Variants in CNTNAP2 observed in about 807,000 individuals in gnomAD.
CNTNAP2 encodes the protein contactin-associated protein-like 2.
Under a neutral mutation model 155.2 loss-of-function variants are expected in CNTNAP2, and 98 were observed. That is an observed-to-expected ratio of 0.63 (90% confidence interval 0.54 to 0.75). The LOEUF (loss-of-function observed/expected upper bound fraction) is 0.75, where lower values mean the gene tolerates loss of function less well. Among genes scored for constraint, CNTNAP2 ranks in the 30% least tolerant of loss-of-function variants. The pLI is 0.00. For missense variants in CNTNAP2, 1,727 were observed against 1,688.1 expected, an observed-to-expected ratio of 1.02 and a Z score of -0.40; for synonymous variants, 651 against 631.2, an observed-to-expected ratio of 1.03 and a Z score of -0.47.
intron 1 of CNTNAP2, among the ~76,000 whole-genome samples, chr7:146,119,218 A>G (rs886076556): frequency 2.6e-5 from 4 of 151,906 alleles, no homozygotes; most frequent in African/African-American, 7.2e-5. Context: ...TAAAACTATC[A>G]TTTTTCTTTG....
chr7:147,108,375 T>G (rs1390958049), intron 5 of CNTNAP2, 25 bp downstream of exon 5: 2 of 1,591,362 alleles, frequency 1.3e-6, no homozygotes, highest in African/African-American at 2.7e-5. Flanking sequence ...TCAGTTCTAT[T>G]CTTTCCGTTA....
intron 11 of CNTNAP2, among the ~76,000 whole-genome samples, chr7:147,499,637 CCAAATTTT>C (rs1389788631): frequency 2.6e-5 from 4 of 152,132 alleles, no homozygotes. Context: ...CCCCAATTTC[CCAAATTTT>C]ACCCTAGTTC....
At chr7:147,510,618 C>A (rs971591075) in intron 11 of CNTNAP2, among the ~76,000 whole-genome samples, 15 of 149,944 alleles carry the variant, frequency 1.0e-4, no homozygotes, top group African/African-American at 3.4e-4. Flanking sequence ...CAATGCCATA[C>A]AAAATAGATT....
intron 3 of CNTNAP2, among the ~76,000 whole-genome samples, chr7:146,933,287 A>G (rs1040750917): frequency 1.8e-4 from 28 of 152,126 alleles, no homozygotes; most frequent in Non-Finnish European, 7.3e-5. Flanking sequence ...AATGTCGCAT[A>G]TCTACAACTA....
chr7:147,143,877 G>A (rs1369835668), intron 8 of CNTNAP2, among the ~76,000 whole-genome samples: 1 of 152,138 alleles, frequency 6.6e-6, no homozygotes, highest in African/African-American at 2.4e-5. Flanking sequence ...TCAGGAGCAT[G>A]ACGTGAAGTA....
intron 3 of CNTNAP2, among the ~76,000 whole-genome samples, chr7:146,930,969 T>A (rs1796740571): frequency 6.6e-6 from 1 of 151,946 alleles, no homozygotes; most frequent in Admixed American, 6.6e-5. Context: ...AGACATAGAC[T>A]CCCACACAAT....
chr7:148,026,698 T>C (rs6965599), intron 15 of CNTNAP2, among the ~76,000 whole-genome samples: 49,417 of 151,996 alleles, frequency 0.33, 9,626 homozygotes, highest in East Asian at 0.77. Context: ...GCCCACCTCA[T>C]ACAGCTTGAA....
At chr7:146,357,001 C>A (rs556364545) in intron 1 of CNTNAP2, among the ~76,000 whole-genome samples, 72 of 152,224 alleles carry the variant, frequency 4.7e-4, no homozygotes, top group African/African-American at 1.7e-3. Flanking sequence ...TCTGCAAAAA[C>A]GACAGCATCC....
chr7:146,799,411 C>T (rs1802834140), intron 2 of CNTNAP2, among the ~76,000 whole-genome samples: 1 of 152,136 alleles, frequency 6.6e-6, no homozygotes, highest in Non-Finnish European at 1.5e-5. Context: ...ACATCATGTC[C>T]AGCATAGAAT....
intron 18 of CNTNAP2, among the ~76,000 whole-genome samples, chr7:148,213,355 G>A (rs1407743768): frequency 6.6e-6 from 1 of 152,128 alleles, no homozygotes; most frequent in Non-Finnish European, 1.5e-5. Context: ...TGGAGTAACT[G>A]GAGAGAGGCT....
In CNTNAP2 at chr7:148,380,632, T is replaced by G. The variant is rs1799034778; in HGVS notation, c.3476-3017T>G. 4.2e-5 allele frequency among the ~76,000 whole-genome samples: 3 copies of G among 70,928 alleles called. No homozygotes were observed. In the Admixed American group the frequency reaches 5.7e-4, roughly 13 times the overall value. The allele number at this position is 70,928 out of a possible 152,430, so 46.5% of individuals were successfully genotyped here. A position where few individuals can be genotyped will look rare whatever the true frequency, so the allele number is the denominator to read the frequency against. On this transcript the variant is annotated intron_variant, in intron 21 of 23. Transcript: ENST00000361727. The stretch of plus-strand genomic sequence containing the variant: ...TTGAGACTGATGCAAAATATTTGAC[T>G]TCTTTTTTTTTTATATGAAACATAA...
chr7:146,629,309 T>A (rs1799471600), intron 1 of CNTNAP2, among the ~76,000 whole-genome samples: 1 of 152,176 alleles, frequency 6.6e-6, no homozygotes, highest in African/African-American at 2.4e-5. Flanking sequence ...AAATGTAATG[T>A]CTTTGTCATA....
intron 1 of CNTNAP2, among the ~76,000 whole-genome samples, chr7:146,252,349 G>A (rs1448123706): frequency 6.6e-6 from 1 of 152,248 alleles, no homozygotes; most frequent in African/African-American, 2.4e-5. Flanking sequence ...TATTACATAT[G>A]CCACCAAATG....
rs1179117335 is a variant in CNTNAP2, at chr7:146,307,287, T to C, written c.97+190314T>C. On this transcript the variant is annotated intron_variant, in intron 1 of 23. Transcript: ENST00000361727. The stretch of plus-strand genomic sequence containing the variant: ...CAACTTAGAAGGGATGTGAAGGACA[T>C]CTTCAAAGAGAACTACAAACCACTG... 3.2e-4 allele frequency among the ~76,000 whole-genome samples: 49 copies of C among 152,154 alleles called. 1 individual carries two copies. The highest frequency in any genetic ancestry group is 4.4e-5 in the Non-Finnish European group (3 of 68,038).
intron 1 of CNTNAP2, among the ~76,000 whole-genome samples, chr7:146,440,232 T>C (rs1344199462): frequency 6.6e-6 from 1 of 151,716 alleles, no homozygotes; most frequent in East Asian, 1.9e-4. Flanking sequence ...AAACATAGAC[T>C]TTAGTAGTAA....
intron 13 of CNTNAP2, among the ~76,000 whole-genome samples, chr7:147,880,699 T>TG (rs1463228213): frequency 6.6e-6 from 1 of 152,060 alleles, no homozygotes; most frequent in Non-Finnish European, 1.5e-5. Flanking sequence ...GTGTAAAGAC[T>TG]GTTCCAAGAC....
At chr7:147,523,481 G>T (rs1691153443) in intron 11 of CNTNAP2, among the ~76,000 whole-genome samples, 1 of 152,218 alleles carries the variant, frequency 6.6e-6, no homozygotes, top group African/African-American at 2.4e-5. Context: ...AATACCAGGA[G>T]TTGGGGATCC....
intron 1 of CNTNAP2, among the ~76,000 whole-genome samples, chr7:146,426,291 C>T (rs572736719): frequency 1.3e-5 from 2 of 150,248 alleles, no homozygotes; most frequent in South Asian, 2.1e-4. Flanking sequence ...AGCACTAGCA[C>T]CATGGTACCA....
intron 5 of CNTNAP2, among the ~76,000 whole-genome samples, chr7:147,113,460 T>C (rs1193285700): frequency 7.0e-6 from 1 of 143,296 alleles, no homozygotes; most frequent in African/African-American, 2.6e-5. Flanking sequence ...AAAAAAGAGG[T>C]TTACTTGACT....
Sources: gnomAD v4.1 joint callset for allele counts (sites outside exome capture counted in the v4.1 genomes callset) on GRCh38, gnomAD v4.1.1 for gene constraint, MANE v1.5 for transcripts, NCBI Gene and HGNC (gene_info 2026-07-23, HGNC 2026-07-21) for gene names.